LAMA2: variants seen among roughly 807,000 people sequenced by gnomAD.
LAMA2 encodes laminin subunit alpha-2.
Under a neutral mutation model 364.8 loss-of-function variants are expected in LAMA2, and 269 were observed. That is an observed-to-expected ratio of 0.74 (90% CI 0.67 to 0.82). The LOEUF is 0.82. LAMA2 is among the 40% of genes least tolerant of loss of function. The pLI, the probability that LAMA2 is intolerant of heterozygous loss-of-function variation, is 0.00. For missense variants in LAMA2, 3,807 were observed against 3,873.2 expected (o/e 0.98, Z 0.45); for synonymous variants, 1,379 against 1,370.6 (o/e 1.01, Z -0.14).
intron 40 of LAMA2, among the ~76,000 whole-genome samples, chr6:129,416,467 TG>T: frequency 6.6e-6 from 1 of 152,278 alleles, no homozygotes; most frequent in South Asian, 2.1e-4. Flanking sequence ...GCAGTCTTGG[TG>T]GGAGTTATGT....
In LAMA2 at chr6:129,190,150, G is replaced by A. The variant is rs78489632; in HGVS notation, c.1468-55G>A. On this transcript the variant is annotated intron_variant, in intron 10 of 64. Coordinates refer to ENST00000421865, the MANE Select transcript of LAMA2 (RefSeq NM_000426.4). ...ATATTTTCCTTATACAGACATGGAC[G>A]CAGCTCATAATGTTGAAGGATACCT... The A allele has an allele frequency of 1.8e-3, 2,751 of 1,562,922 alleles. 61 individuals are homozygous for A. In the African/African-American group the frequency reaches 0.034, roughly 19 times the overall value.
rs1775903554 is a variant in LAMA2, at chr6:128,883,214, C to A, written c.-32C>A. ...CAGGGCGGCAGCGACTCCTCTGGCT[C>A]CCGAGAAGTGGATCCGGTCGCGGCC... On this transcript the variant is annotated 5_prime_UTR_variant, in exon 1 of 65. Transcript: ENST00000421865. 6 of 1,545,448 alleles carry A rather than the reference C, an allele frequency of 3.9e-6. No homozygotes were observed. Among genetic ancestry groups the A allele is most frequent in the Admixed American group, 2.0e-5 (1 of 50,996 alleles).
chr6:129,091,629 G>A (rs181724031), intron 3 of LAMA2, among the ~76,000 whole-genome samples: 7 of 152,236 alleles, frequency 4.6e-5, no homozygotes, highest in East Asian at 3.9e-4. Context: ...ATTACAAATC[G>A]TTTCACTATA....
chr6:129,213,752 T>C (rs1194323184), intron 12 of LAMA2, among the ~76,000 whole-genome samples: 1 of 152,218 alleles, frequency 6.6e-6, no homozygotes, highest in Non-Finnish European at 1.5e-5. Context: ...GTTCTTTGTA[T>C]GTTTTGGACC....
At chr6:128,954,686 C>A (rs1781035873) in intron 1 of LAMA2, among the ~76,000 whole-genome samples, 1 of 151,846 alleles carries the variant, frequency 6.6e-6, no homozygotes, top group Non-Finnish European at 1.5e-5. Context: ...CAGTACAGTA[C>A]AACAGATAAG....
chr6:129,079,499 G>A (rs1208737464), intron 3 of LAMA2, among the ~76,000 whole-genome samples: 1 of 151,026 alleles, frequency 6.6e-6, no homozygotes, highest in Non-Finnish European at 1.5e-5. Context: ...CATTCCCATC[G>A]GCCATACACA....
chr6:129,087,172 G>A (rs1365161567), intron 3 of LAMA2, among the ~76,000 whole-genome samples: 3 of 152,084 alleles, frequency 2.0e-5, no homozygotes, highest in East Asian at 1.9e-4. Flanking sequence ...AAATATAGAC[G>A]TCTTTGAGGG....
intron 11 of LAMA2, among the ~76,000 whole-genome samples, chr6:129,191,646 A>T (rs1281000817): frequency 1.4e-5 from 2 of 142,838 alleles, no homozygotes; most frequent in East Asian, 1.9e-4. Flanking sequence ...GTTGTCCAGA[A>T]AGTCAACAGG....
chr6:129,268,633 G>A (rs1343921345), intron 16 of LAMA2, among the ~76,000 whole-genome samples: 1 of 151,970 alleles, frequency 6.6e-6, no homozygotes, highest in African/African-American at 2.4e-5. Flanking sequence ...GTGTCATTCA[G>A]CATAATTTTG....
At chr6:129,470,503 T>C (rs1315479212) in intron 51 of LAMA2, among the ~76,000 whole-genome samples, 1 of 151,858 alleles carries the variant, frequency 6.6e-6, no homozygotes, top group Non-Finnish European at 1.5e-5. Flanking sequence ...AACATCAACA[T>C]TTTAGAAGTG....
Position 129,440,841 on chromosome 6 carries a change from TAAG to T in LAMA2, c.6112_6114del (p.Lys2038del), listed in dbSNP as rs752953942. ...ATACAGCTGCTAAACTGCAAGCTGT[TAAG>T]GACAAAGCCAGACAAGCCAACGACA... is the stretch of plus-strand genomic sequence containing the variant. On this transcript the variant is annotated inframe_deletion, in exon 43 of 65. Transcript: ENST00000421865. The T allele has an allele frequency of 6.2e-7, 1 of 1,613,926 alleles. No homozygotes were observed. The highest frequency in any genetic ancestry group is 8.5e-7 in the Non-Finnish European group (1 of 1,179,880).
chr6:129,191,307 A>G (rs1170955656), intron 11 of LAMA2, among the ~76,000 whole-genome samples: 1 of 152,358 alleles, frequency 6.6e-6, no homozygotes, highest in Admixed American at 6.5e-5. Flanking sequence ...AGAGCTATAA[A>G]ATATTTTCTC....
Position 129,059,792 on chromosome 6 carries a change from C to A in LAMA2, c.292C>A (p.Pro98Thr). ...QNSSNPNQRH[P>T]ITNAIDGKNT... ...TGCTGCTAACTCAATAGAGAGACAC[C>A]CGATTACAAATGCTATTGATGGAAA... is the stretch of plus-strand genomic sequence containing the variant. Residue 98 changes from proline to threonine, a missense_variant, in exon 3 of 65, where the codon CCG becomes ACG. Physicochemically the swap from Pro to Thr is conservative, Grantham distance 38 (BLOSUM62 -1). Coordinates refer to ENST00000421865, the MANE Select transcript of LAMA2 (RefSeq NM_000426.4). 3 of 1,594,714 alleles carry A rather than the reference C, an allele frequency of 1.9e-6. No homozygotes were observed. Among genetic ancestry groups the A allele is most frequent in the Non-Finnish European group, 1.7e-6 (2 of 1,162,502 alleles).
chr6:128,997,366 GAA>G (rs545297338), intron 1 of LAMA2, among the ~76,000 whole-genome samples: 1 of 128,142 alleles, frequency 7.8e-6, no homozygotes, highest in African/African-American at 2.9e-5. Flanking sequence ...ACGAAAGAAA[GAA>G]AGAGAGAGAG....
chr6:129,196,115 T>C (rs1781833188), intron 12 of LAMA2, among the ~76,000 whole-genome samples: 1 of 152,220 alleles, frequency 6.6e-6, no homozygotes, highest in African/African-American at 2.4e-5. Flanking sequence ...AGCATTATGC[T>C]ATCTTTCTGT....
chr6:129,302,572 A>T (rs1165284736), intron 22 of LAMA2, among the ~76,000 whole-genome samples: 1 of 152,020 alleles, frequency 6.6e-6, no homozygotes, highest in Non-Finnish European at 1.5e-5. Context: ...TTTCTCTCCC[A>T]TGTTTTCTTC....
intron 9 of LAMA2, among the ~76,000 whole-genome samples, chr6:129,171,336 T>C (rs1008674962): frequency 5.3e-4 from 80 of 152,300 alleles, no homozygotes; most frequent in Non-Finnish European, 7.3e-4. Context: ...CCATGTTTAG[T>C]GCTTCCTTCA....
chr6:129,200,387 CAT>C (rs1318234070), intron 12 of LAMA2, among the ~76,000 whole-genome samples: 1 of 147,200 alleles, frequency 6.8e-6, no homozygotes, highest in African/African-American at 2.5e-5. Context: ...TACACATATA[CAT>C]GTGTATATAC....
chr6:129,074,293 G>C (rs1773495435), intron 3 of LAMA2, among the ~76,000 whole-genome samples: 1 of 152,194 alleles, frequency 6.6e-6, no homozygotes, highest in African/African-American at 2.4e-5. Flanking sequence ...ATCTCTTGAA[G>C]GCAAAAGCTG....
Sources: gnomAD v4.1 joint callset for allele counts (sites outside exome capture counted in the v4.1 genomes callset) on GRCh38, gnomAD v4.1.1 for gene constraint, MANE v1.5 for transcripts, NCBI Gene and HGNC (gene_info 2026-07-23, HGNC 2026-07-21) for gene names.